The following GTF2IRD2B variants were observed in gnomAD, a reference collection of about 807,000 sequenced individuals.
The protein encoded by GTF2IRD2B is GTF2I repeat domain containing 2B.
GTF2IRD2B carries 10 observed loss-of-function variants against 55.6 expected under a neutral mutation model. The observed-to-expected ratio is 0.18, with a 90% CI of 0.11 to 0.31. The LOEUF (loss-of-function observed/expected upper bound fraction) is 0.31, where lower values mean the gene tolerates loss of function less well. Ranked by LOEUF, GTF2IRD2B falls within the 10% of genes least tolerant of loss-of-function variation. The probability of loss-of-function intolerance (pLI) is 1.00; values close to 1 mark genes in which losing one functional copy is unlikely to be tolerated. For missense variants in GTF2IRD2B, 206 were observed against 802.7 expected (o/e 0.26, Z 8.98); for synonymous variants, 107 against 320.5 (o/e 0.33, Z 7.12).
At chr7:75,102,253 G>C (rs1435826390) in intron 1 of GTF2IRD2B, among the ~76,000 whole-genome samples, 1 of 151,212 alleles carries the variant, frequency 6.6e-6, no homozygotes, top group Non-Finnish European at 1.5e-5. Context: ...CGTCCGCCTC[G>C]GCCTCCCAAA....
In GTF2IRD2B at chr7:75,148,819, T is replaced by G. The variant is rs782258112; in HGVS notation, c.2372T>G (p.Leu791Arg). Reference protein sequence around the residue: ...YDLIRAFLAKLCLWETHLTRN... With the variant: ...YDLIRAFLAKRCLWETHLTRN... ...CTGATCCGGGCGTTCCTAGCAAAAC[T>G]GTGCCTCTGGGAGACTCATTTGACG... Residue 791 changes from leucine to arginine, a missense_variant, in exon 16 of 16, where the codon CTG becomes CGG. Leu to Arg is a moderately radical substitution (Grantham distance 102, BLOSUM62 -2). Transcript: ENST00000472837. The G allele has an allele frequency of 2.5e-6, 4 of 1,599,970 alleles. No homozygotes were observed. The East Asian group carries it at 8.9e-5, about 36-fold the overall frequency.
chr7:75,146,949 AAAAAGAAAAAAAG>A (rs1809161769), intron 15 of GTF2IRD2B: 1 of 156,214 alleles, frequency 6.4e-6, no homozygotes, highest in African/African-American at 2.4e-5. Context: ...AAAGAAAAAG[AAAAAGAAAAAAAG>A]AAAAGAAAGA....
rs1481901462 is a variant in GTF2IRD2B at position 75,103,171 on chromosome 7, C to T, written c.-5-5789C>T. 2.3e-4 allele frequency among the ~76,000 whole-genome samples: 35 copies of T among 151,394 alleles called. No homozygotes were observed. In the East Asian group the frequency reaches 4.7e-3, roughly 20 times the overall value. Reference sequence around the variant, plus strand: ...GCGGGTGCCTATAATCCCGGCTACTCGGGAGGCTGAGGCAGGAGAATTGCT... The same window carrying T: ...GCGGGTGCCTATAATCCCGGCTACTTGGGAGGCTGAGGCAGGAGAATTGCT... On this transcript the variant is annotated intron_variant, in intron 1 of 15. Coordinates refer to ENST00000472837, the MANE Select transcript of GTF2IRD2B (RefSeq NM_001003795.3).
In GTF2IRD2B at chr7:75,148,253, C is replaced by T; in HGVS notation, c.1806C>T (p.Ser602=). ...GNEIFLRVEK[S]LKKFCINWSR... ...AGATCTTTTTGCGTGTTGAGAAGAGCCTGAAAAAGTTCTGTATCAACTGGT... is the reference window on the plus strand; with the variant it reads ...AGATCTTTTTGCGTGTTGAGAAGAGTCTGAAAAAGTTCTGTATCAACTGGT... The change falls in exon 16 of 16, where the codon AGC becomes AGT. Residue 602 remains serine, a synonymous_variant. Coordinates refer to ENST00000472837, the MANE Select transcript of GTF2IRD2B (RefSeq NM_001003795.3). 1 of 1,613,696 alleles carries T rather than the reference C, an allele frequency of 6.2e-7. No individual in the cohort carries two copies. Among genetic ancestry groups the T allele is most frequent in the Non-Finnish European group, 8.5e-7 (1 of 1,179,840 alleles).
At chr7:75,099,891 T>A (rs1298907474) in intron 1 of GTF2IRD2B, among the ~76,000 whole-genome samples, 3 of 131,672 alleles carry the variant, frequency 2.3e-5, no homozygotes, top group African/African-American at 8.6e-5. Context: ...GGCAGGTGGA[T>A]CACCTGAGGT....
chr7:75,112,779 A>G, intron 3 of GTF2IRD2B: 1 of 518,610 alleles, frequency 1.9e-6, no homozygotes, highest in Non-Finnish European at 3.4e-6. Flanking sequence ...TCAAGGACAT[A>G]GAACAAATTA....
At chr7:75,134,812 C>T (rs1554453345) in intron 9 of GTF2IRD2B, among the ~76,000 whole-genome samples, 189 bp from the exon 10 acceptor site, 1 of 147,014 alleles carries the variant, frequency 6.8e-6, no homozygotes, top group African/African-American at 2.7e-5. Flanking sequence ...GGTGATCTGC[C>T]CGCCTCCACC....
chr7:75,147,322 A>ACAGGAGG (rs1809175912), intron 15 of GTF2IRD2B, among the ~76,000 whole-genome samples: 2 of 151,176 alleles, frequency 1.3e-5, no homozygotes, highest in African/African-American at 2.4e-5. Flanking sequence ...CATAACAGCT[A>ACAGGAGG]CTCAGGAGGC....
rs1232176137 is a variant in GTF2IRD2B, at chr7:75,133,538, C to T, written c.748+326C>T. ...GTGAGCCACCATGCCTGGGCTAAAT[C>T]CACATACTCTTTTTTTTTTTTTGAG... On this transcript the variant is annotated intron_variant, in intron 9 of 15. Transcript: ENST00000472837. Among the ~76,000 whole-genome samples, 5 of 143,774 alleles carry T rather than the reference C, an allele frequency of 3.5e-5. 1 individual carries two copies. Among genetic ancestry groups the T allele is most frequent in the African/African-American group, 1.4e-4 (5 of 36,724 alleles). 94.3% of individuals were successfully genotyped at this position (143,774 alleles called of 152,430 possible).
At chr7:75,147,402 C>T (rs1489234508) in intron 15 of GTF2IRD2B, among the ~76,000 whole-genome samples, 2 of 151,950 alleles carry the variant, frequency 1.3e-5, no homozygotes, top group African/African-American at 4.8e-5. Context: ...CACTGCACTG[C>T]AGCCTGGGCG....
intron 3 of GTF2IRD2B, among the ~76,000 whole-genome samples, chr7:75,117,844 A>G (rs2115756249): frequency 1.3e-5 from 2 of 152,402 alleles, no homozygotes; most frequent in Middle Eastern, 3.4e-3. Context: ...GCACTCTGGT[A>G]GGCTGAGGCT....
intron 1 of GTF2IRD2B, among the ~76,000 whole-genome samples, chr7:75,105,199 C>CA (rs1255476956): frequency 1.3e-5 from 2 of 151,242 alleles, no homozygotes; most frequent in South Asian, 2.1e-4. Flanking sequence ...AAACAAAAAA[C>CA]AAAAAACAAA....
chr7:75,132,203 C>G (rs1808681517), intron 8 of GTF2IRD2B, among the ~76,000 whole-genome samples: 1 of 141,232 alleles, frequency 7.1e-6, no homozygotes, highest in African/African-American at 3.0e-5. Flanking sequence ...GAAACCCCGT[C>G]TTTACTGAAA....
chr7:75,135,356 A>T (rs1808806404), intron 10 of GTF2IRD2B, among the ~76,000 whole-genome samples: 1 of 151,738 alleles, frequency 6.6e-6, no homozygotes, highest in African/African-American at 2.4e-5. Flanking sequence ...CTGGTCTCGA[A>T]CTCCTGACCT....
chr7:75,106,304 G>A (rs1461551337), intron 1 of GTF2IRD2B, among the ~76,000 whole-genome samples: 3 of 152,392 alleles, frequency 2.0e-5, no homozygotes, highest in African/African-American at 7.2e-5. Context: ...TTGGGAGGCT[G>A]AGGCAGGAGA....
At chr7:75,137,188 G>A (rs1808867635) in intron 11 of GTF2IRD2B, among the ~76,000 whole-genome samples, 1 of 148,928 alleles carries the variant, frequency 6.7e-6, no homozygotes, top group African/African-American at 2.5e-5. Context: ...GGGTGACAGA[G>A]CGAGATTCCA....
At chr7:75,134,882 G>C in intron 9 of GTF2IRD2B, 119 bp from the exon 10 acceptor site, 1 of 1,478,528 alleles carries the variant, frequency 6.8e-7, no homozygotes, top group Non-Finnish European at 9.1e-7. Context: ...TATTTCAAGG[G>C]GTAGAAGTAT....
At position 75,103,011 on chromosome 7, in the gene GTF2IRD2B, C is replaced by T. The variant is rs371507070; in HGVS notation, c.-5-5949C>T. Reference sequence around the variant, plus strand: ...TATAAAATAAGGCTGGGCATGGTGGCTCACGCCTGTAGTCCCAGCACTCTG... The same window carrying T: ...TATAAAATAAGGCTGGGCATGGTGGTTCACGCCTGTAGTCCCAGCACTCTG... On this transcript the variant is annotated intron_variant, in intron 1 of 15. Coordinates refer to ENST00000472837, the MANE Select transcript of GTF2IRD2B (RefSeq NM_001003795.3). Among the ~76,000 whole-genome samples, 101 of 149,454 alleles carry T rather than the reference C, an allele frequency of 6.8e-4. 4 individuals are homozygous for T. In the East Asian group the frequency reaches 0.019, roughly 29 times the overall value.
rs782406425 is a variant in GTF2IRD2B, at chr7:75,148,337, G to C, written c.1890G>C (p.Gly630=). Residue 630 remains glycine, a synonymous_variant, in exon 16 of 16, where the codon GGG becomes GGC. Coordinates refer to ENST00000472837, the MANE Select transcript of GTF2IRD2B (RefSeq NM_001003795.3). ...GTPAMVDANN[G]LVTKLKSRVA... is the part of the protein sequence containing the mutation. The stretch of plus-strand genomic sequence containing the variant: ...CAGCGATGGTGGATGCCAATAACGG[G>C]CTTGTCACAAAACTGAAGTCCAGGG... 8.7e-6 allele frequency: 14 copies of C among 1,613,356 alleles called. No individual in the cohort carries two copies. Among genetic ancestry groups the C allele is most frequent in the Non-Finnish European group, 1.2e-5 (14 of 1,179,802 alleles).
Sources: allele counts gnomAD v4.1 joint callset (sites outside exome capture counted in the v4.1 genomes callset), GRCh38; gene constraint gnomAD v4.1.1; transcripts MANE v1.5; gene names NCBI Gene and HGNC (gene_info 2026-07-23, HGNC 2026-07-21).